Variants in KIRREL3 observed in about 807,000 individuals in gnomAD.
KIRREL3 encodes kin of IRRE-like protein 3.
KIRREL3 carries 36 observed loss-of-function variants against 89.7 expected under a neutral mutation model. The observed-to-expected ratio is 0.40, with a 90% CI of 0.31 to 0.53. The LOEUF is 0.53. Among genes scored for constraint, KIRREL3 ranks in the 20% least tolerant of loss-of-function variants. The pLI, the probability that KIRREL3 is intolerant of heterozygous loss-of-function variation, is 0.49. For missense variants in KIRREL3, 864 were observed against 1,056.6 expected (o/e 0.82, Z 2.53); for synonymous variants, 445 against 441.4 (o/e 1.01, Z -0.10).
At chr11:126,984,779 C>T (rs559023627) in intron 1 of KIRREL3, among the ~76,000 whole-genome samples, 3 of 152,168 alleles carry the variant, frequency 2.0e-5, no homozygotes, top group African/African-American at 7.2e-5. Flanking sequence ...TGTGAGCCCG[C>T]AGGAAGTGCC....
chr11:126,907,728 G>A (rs748335360), intron 1 of KIRREL3, among the ~76,000 whole-genome samples: 16 of 152,082 alleles, frequency 1.1e-4, no homozygotes, highest in Non-Finnish European at 2.4e-4. Context: ...TGAGACTGAA[G>A]TGACGAGATG....
At chr11:127,002,878 C>T (rs1364428556), upstream of KIRREL3, 1 of 152,152 alleles carries the variant, frequency 6.6e-6, no homozygotes, top group Non-Finnish European at 1.5e-5. Flanking sequence ...AATAATCAGG[C>T]ACACGTACAG....
rs146158977 is a variant in KIRREL3 at position 126,551,681 on chromosome 11, C to T, written c.133+11154G>A. ...TTTTTTTTTTTTTGAGACAGAGTCT[C>T]GCTCTGTTTCTCAGGCTGAGTGCAA... On this transcript the variant is annotated intron_variant, in intron 2 of 16. Transcript: ENST00000525144. The surrounding 1 kb of genome is among the most constrained non-coding windows in gnomAD (Gnocchi z 4.9). 0.026 allele frequency among the ~76,000 whole-genome samples: 3,746 copies of T among 145,694 alleles called. 113 individuals carry two copies. The highest frequency in any genetic ancestry group is 0.076 in the African/African-American group (2,909 of 38,472).
At chr11:126,949,476 C>T (rs888579886) in intron 1 of KIRREL3, among the ~76,000 whole-genome samples, 3 of 152,220 alleles carry the variant, frequency 2.0e-5, no homozygotes, top group Non-Finnish European at 4.4e-5. Context: ...GCACATGCCC[C>T]TCCCCATGGA....
chr11:126,685,230 G>T lies in KIRREL3; in HGVS notation c.56-122318C>A, dbSNP rs1031080032. 6.6e-6 allele frequency among the ~76,000 whole-genome samples: 1 copy of T among 152,210 alleles called. No homozygotes were observed. Among genetic ancestry groups the T allele is most frequent in the African/African-American group, 2.4e-5 (1 of 41,446 alleles). On this transcript the variant is annotated intron_variant, in intron 1 of 16. Coordinates refer to ENST00000525144, the MANE Select transcript of KIRREL3 (RefSeq NM_032531.4). This position sits in a 1 kb window ranked among gnomAD's most constrained non-coding sequence, Gnocchi z 5.5. Reference sequence around the variant, plus strand: ...GATAGCCCCAGCTCTGCTCTGGGGAGTCAGGGGCAGGGCGGCAGATGCTTG... The same window carrying T: ...GATAGCCCCAGCTCTGCTCTGGGGATTCAGGGGCAGGGCGGCAGATGCTTG...
intron 1 of KIRREL3, among the ~76,000 whole-genome samples, chr11:126,925,313 T>A (rs943458249): frequency 3.3e-5 from 5 of 152,152 alleles, no homozygotes; most frequent in African/African-American, 1.2e-4. Context: ...TGAGGCAGCC[T>A]GGTGGCAGAA....
intron 1 of KIRREL3, among the ~76,000 whole-genome samples, chr11:126,753,582 A>G (rs1470662384): frequency 2.0e-5 from 3 of 152,218 alleles, no homozygotes; most frequent in African/African-American, 7.2e-5. Context: ...CATTGACTCA[A>G]TAACAACTCA....
chr11:126,939,707 T>C (rs1948357296), intron 1 of KIRREL3, among the ~76,000 whole-genome samples: 1 of 152,190 alleles, frequency 6.6e-6, no homozygotes, highest in South Asian at 2.1e-4. Context: ...GACCCAAACT[T>C]GCCCTTGGTC....
Position 126,429,875 on chromosome 11 carries a change from G to A in KIRREL3, c.1697-587C>T, listed in dbSNP as rs950740003. Among the ~76,000 whole-genome samples the A allele has an allele frequency of 6.6e-6, 1 of 152,208 alleles. No homozygotes were observed. The highest frequency in any genetic ancestry group is 2.4e-5 in the African/African-American group (1 of 41,448). ...TTCTTGGCTGGGTGCGGTGGCTCAC[G>A]CCTGTAATCCCAGCACTTTGGGAGG... is the stretch of plus-strand genomic sequence containing the variant. On this transcript the variant is annotated intron_variant, in intron 14 of 16. Transcript: ENST00000525144. This position sits in a 1 kb window ranked among gnomAD's most constrained non-coding sequence, Gnocchi z 5.2.
intron 1 of KIRREL3, among the ~76,000 whole-genome samples, chr11:126,984,096 G>A (rs1021545933): frequency 6.6e-6 from 1 of 152,108 alleles, no homozygotes; most frequent in Non-Finnish European, 1.5e-5. Context: ...AAAAGAGACT[G>A]AGGATGCTAA....
In KIRREL3 at chr11:126,734,897, T is replaced by A. The variant is rs1160322955; in HGVS notation, c.56-171985A>T. Among the ~76,000 whole-genome samples, 3 of 152,020 alleles carry A rather than the reference T, an allele frequency of 2.0e-5. No individual in the cohort carries two copies. Among genetic ancestry groups the A allele is most frequent in the Non-Finnish European group, 2.9e-5 (2 of 68,008 alleles). On this transcript the variant is annotated intron_variant, in intron 1 of 16. Transcript: ENST00000525144. This position sits in a 1 kb window ranked among gnomAD's most constrained non-coding sequence, Gnocchi z 5.9. ...GAGGACAGTGTTAATTGTGGCAGGA[T>A]GGGGTTTGTGGTTGGAACGGTGCTG... is the stretch of plus-strand genomic sequence containing the variant.
chr11:126,831,155 G>A (rs764860784), intron 1 of KIRREL3, among the ~76,000 whole-genome samples: 4 of 152,216 alleles, frequency 2.6e-5, no homozygotes, highest in African/African-American at 7.2e-5. Context: ...CTTTCAGGAT[G>A]TTGGGTAAGT....
In KIRREL3 at chr11:126,917,811, T is replaced by C. The variant is rs1466579408; in HGVS notation, c.55+82644A>G. On this transcript the variant is annotated intron_variant, in intron 1 of 16. Transcript: ENST00000525144. The surrounding 1 kb of genome is among the most constrained non-coding windows in gnomAD (Gnocchi z 5.0). The stretch of plus-strand genomic sequence containing the variant: ...ATTGTCTAACCTTAGGCATGGACTT[T>C]AGAATTGAGGTGGCGTTTCTGAAGA... Among the ~76,000 whole-genome samples the C allele has an allele frequency of 6.6e-6, 1 of 152,214 alleles. No homozygotes were observed. Among genetic ancestry groups the C allele is most frequent in the Non-Finnish European group, 1.5e-5 (1 of 68,030 alleles).
chr11:126,631,642 A>G (rs1423297515), intron 1 of KIRREL3, among the ~76,000 whole-genome samples: 2 of 152,256 alleles, frequency 1.3e-5, no homozygotes, highest in Non-Finnish European at 2.9e-5. Context: ...TAGCAGGAGT[A>G]CATGTCATGC....
intron 7 of KIRREL3, among the ~76,000 whole-genome samples, chr11:126,450,347 GTCCA>G (rs1955995519): frequency 6.6e-6 from 1 of 151,324 alleles, no homozygotes; most frequent in African/African-American, 2.4e-5. Context: ...GGGCATGTGT[GTCCA>G]TGTGCATGTG....
At chr11:126,929,186 T>A (rs1947838851) in intron 1 of KIRREL3, among the ~76,000 whole-genome samples, 1 of 152,084 alleles carries the variant, frequency 6.6e-6, no homozygotes, top group Non-Finnish European at 1.5e-5. Context: ...TGCAAGCTAA[T>A]GGAGAATAGA....
rs1946724449 is a variant in KIRREL3, at chr11:126,909,513, T to A, written c.55+90942A>T. On this transcript the variant is annotated intron_variant, in intron 1 of 16. Coordinates refer to ENST00000525144, the MANE Select transcript of KIRREL3 (RefSeq NM_032531.4). This position sits in a 1 kb window ranked among gnomAD's most constrained non-coding sequence, Gnocchi z 4.5. ...GGGCATGGCTCTGAGGATGAGAGAG[T>A]GCTCTGAGTTGAGATACACCGCCCA... Among the ~76,000 whole-genome samples, 1 of 151,016 alleles carries A rather than the reference T, an allele frequency of 6.6e-6. No individual in the cohort carries two copies. The highest frequency in any genetic ancestry group is 2.1e-4 in the South Asian group (1 of 4,730).
At chr11:126,637,919 C>T (rs1340463820) in intron 1 of KIRREL3, among the ~76,000 whole-genome samples, 1 of 152,160 alleles carries the variant, frequency 6.6e-6, no homozygotes, top group Non-Finnish European at 1.5e-5. Flanking sequence ...GGAAAACATG[C>T]CAAGAGCACA....
At chr11:126,714,351 C>A (rs1947875724) in intron 1 of KIRREL3, among the ~76,000 whole-genome samples, 1 of 152,230 alleles carries the variant, frequency 6.6e-6, no homozygotes, top group African/African-American at 2.4e-5. Context: ...GAGCGTGTGG[C>A]CCAGGCCGAG....
Sources: allele counts gnomAD v4.1 joint callset (sites outside exome capture counted in the v4.1 genomes callset), GRCh38; gene constraint gnomAD v4.1.1; non-coding constraint Gnocchi (gnomAD v3.1); transcripts MANE v1.5; gene names NCBI Gene and HGNC (gene_info 2026-07-23, HGNC 2026-07-21).